The following WAC variants were observed in gnomAD, a reference collection of about 807,000 sequenced individuals.
The protein encoded by WAC is WW domain-containing adapter protein with coiled-coil.
WAC carries 11 observed loss-of-function variants against 79.6 expected under a neutral mutation model. That is an observed-to-expected ratio of 0.14 (90% CI 0.09 to 0.23). The LOEUF is 0.23. Among genes scored for constraint, WAC ranks in the 10% least tolerant of loss-of-function variants. The pLI is 1.00. For missense variants in WAC, 728 were observed against 773.5 expected (o/e 0.94, Z 0.70); for synonymous variants, 304 against 276.9 (o/e 1.10, Z -0.97).
intron 3 of WAC, among the ~76,000 whole-genome samples, chr10:28,557,017 A>G (rs2132460724): frequency 6.6e-6 from 1 of 151,684 alleles, no homozygotes; most frequent in Non-Finnish European, 1.5e-5. Flanking sequence ...TCTTTCTCAA[A>G]ATGCTTAGCT....
intron 7 of WAC, among the ~76,000 whole-genome samples, chr10:28,605,643 TAATG>T (rs1840904633): frequency 2.0e-5 from 3 of 152,334 alleles, no homozygotes; most frequent in African/African-American, 7.2e-5. Flanking sequence ...TATTTTTTGT[TAATG>T]ATGATGTGTA....
intron 3 of WAC, chr10:28,537,566 C>T (rs1450858103): frequency 6.6e-6 from 1 of 152,186 alleles, no homozygotes; most frequent in Non-Finnish European, 1.5e-5. Context: ...AAACCTTGCT[C>T]AGCCAATTCT....
rs114506691 is a variant in WAC, at chr10:28,574,443, C to A, written c.275-8956C>A. ...GCTTACAGGAGTGAGCCAGTGTGCA[C>A]GGCCTGTTGCTGTTTTTGAGACAGT... On this transcript the variant is annotated intron_variant, in intron 3 of 13. Coordinates refer to ENST00000354911, the MANE Select transcript of WAC (RefSeq NM_016628.5). 3.3e-3 allele frequency among the ~76,000 whole-genome samples: 501 copies of A among 152,044 alleles called. 3 individuals carry two copies. Among genetic ancestry groups the A allele is most frequent in the African/African-American group, 0.011 (448 of 41,478 alleles).
chr10:28,590,504 G>A (rs1037735652), intron 5 of WAC, among the ~76,000 whole-genome samples: 5 of 152,034 alleles, frequency 3.3e-5, no homozygotes, highest in African/African-American at 7.2e-5. Flanking sequence ...TGGTTATGGC[G>A]TTAGTGGTAT....
chr10:28,617,718 C>T lies in WAC; in HGVS notation c.1808C>T (p.Thr603Ile). 6.3e-7 allele frequency: 1 copy of T among 1,597,604 alleles called. No individual in the cohort carries two copies. The highest frequency in any genetic ancestry group is 1.2e-5 in the South Asian group (1 of 85,176). Residue 603 changes from threonine to isoleucine, a missense_variant, in exon 13 of 14, where the codon ACT becomes ATT. Thr to Ile is a moderately conservative substitution (Grantham distance 89). Around this residue, in one of 3 missense-constraint regions of WAC, gnomAD observed 66 missense variants for 78.9 expected, o/e 0.84. Transcript: ENST00000354911. ...ACTATTCACATGTCCGAAATTTGTA[C>T]TGAATTAAAAAATTTAAGATCTTTA... is the stretch of plus-strand genomic sequence containing the variant. ...MGTIHMSEICTELKNLRSLVR... is the reference protein window; with the variant it reads ...MGTIHMSEICIELKNLRSLVR...
chr10:28,568,455 G>C (rs1231818870), intron 3 of WAC, among the ~76,000 whole-genome samples: 2 of 151,940 alleles, frequency 1.3e-5, no homozygotes, highest in East Asian at 3.9e-4. Flanking sequence ...GTCTTGGCTC[G>C]CTGCAACCTC....
intron 4 of WAC, among the ~76,000 whole-genome samples, chr10:28,584,654 A>G (rs1839718380): frequency 6.6e-6 from 1 of 152,214 alleles, no homozygotes; most frequent in Admixed American, 6.5e-5. Flanking sequence ...TTGAGTGATC[A>G]TCATGTCTTA....
intron 3 of WAC, among the ~76,000 whole-genome samples, chr10:28,581,712 C>T (rs1276339790): frequency 6.6e-6 from 1 of 151,976 alleles, no homozygotes; most frequent in Non-Finnish European, 1.5e-5. Context: ...AGGCACACAC[C>T]ACCACGTCCA....
At chr10:28,605,966 C>CT (rs1262851660) in intron 7 of WAC, among the ~76,000 whole-genome samples, 15 of 152,086 alleles carry the variant, frequency 9.9e-5, no homozygotes, top group Non-Finnish European at 2.9e-5. Context: ...GTGAAAGAAC[C>CT]TTTAAGAGGG....
chr10:28,534,203 T>A, intron 2 of WAC, 169 bp downstream of exon 2: 1 of 572,348 alleles, frequency 1.7e-6, no homozygotes, highest in Non-Finnish European at 2.9e-6. Context: ...TTTAGCGCTC[T>A]CCAGCAAGGT....
intron 3 of WAC, among the ~76,000 whole-genome samples, chr10:28,573,746 A>G (rs185454804): frequency 1.0e-3 from 152 of 152,294 alleles, no homozygotes; most frequent in African/African-American, 3.4e-3. Context: ...CCATTCAGCC[A>G]TTTGAAGTGT....
rs563168106 is a variant in WAC, at chr10:28,619,650, A to G, written c.*44A>G. The G allele has an allele frequency of 2.0e-6, 3 of 1,493,870 alleles. No homozygotes were observed. Among genetic ancestry groups the G allele is most frequent in the South Asian group, 2.6e-5 (2 of 77,204 alleles). 92.5% of individuals were successfully genotyped at this position (1,493,870 alleles called of 1,614,324 possible). A position where few individuals can be genotyped will look rare whatever the true frequency, so the allele number is the denominator to read the frequency against. On this transcript the variant is annotated 3_prime_UTR_variant, in exon 14 of 14. Coordinates refer to ENST00000354911, the MANE Select transcript of WAC (RefSeq NM_016628.5). ...ATGGTTTTGAGAACAGGAACTGTAAATCTGTTGCCCAATCTTAACATTTTT... is the reference window on the plus strand; with the variant it reads ...ATGGTTTTGAGAACAGGAACTGTAAGTCTGTTGCCCAATCTTAACATTTTT...
chr10:28,575,439 A>G (rs1408832427), intron 3 of WAC, among the ~76,000 whole-genome samples: 1 of 152,220 alleles, frequency 6.6e-6, no homozygotes, highest in Non-Finnish European at 1.5e-5. Flanking sequence ...TTTTACTTTC[A>G]CATTAGCAGT....
At chr10:28,603,961 G>GTACATATA (rs1840783791) in intron 7 of WAC, among the ~76,000 whole-genome samples, 1 of 20,906 alleles carries the variant, frequency 4.8e-5, no homozygotes, top group African/African-American at 4.2e-4. Flanking sequence ...ATGTATGTAT[G>GTACATATA]TATATATATA....
At chr10:28,605,388 G>T (rs1840891097) in intron 7 of WAC, among the ~76,000 whole-genome samples, 1 of 152,128 alleles carries the variant, frequency 6.6e-6, no homozygotes, top group African/African-American at 2.4e-5. Flanking sequence ...GGTTTGTTTT[G>T]TTTTTTAACT....
At chr10:28,594,940 T>C (rs544982557) in intron 6 of WAC, among the ~76,000 whole-genome samples, 1 of 152,340 alleles carries the variant, frequency 6.6e-6, no homozygotes, top group African/African-American at 2.4e-5. Flanking sequence ...TTTAAATTGA[T>C]AGATTTTGAA....
At chr10:28,606,268 T>A (rs533177352) in intron 7 of WAC, among the ~76,000 whole-genome samples, 1 of 152,312 alleles carries the variant, frequency 6.6e-6, no homozygotes, top group East Asian at 1.9e-4. Context: ...CCCAGGCCGG[T>A]CTTGGAAATC....
chr10:28,611,002 CTT>C, intron 9 of WAC, 181 bp downstream of exon 9: 1 of 654,694 alleles, frequency 1.5e-6, no homozygotes, highest in Non-Finnish European at 2.4e-6. Flanking sequence ...TATTTCCTTT[CTT>C]TTTAGATGAA....
intron 9 of WAC, 102 bp downstream of exon 9, chr10:28,610,923 TA>T: frequency 7.5e-6 from 10 of 1,332,676 alleles, no homozygotes; most frequent in African/African-American, 1.5e-5. Context: ...TTTTTTTTTT[TA>T]GTTTTTTAAG....
Sources: gnomAD v4.1 joint callset for allele counts (sites outside exome capture counted in the v4.1 genomes callset) on GRCh38, gnomAD v4.1.1 for gene constraint, gnomAD v4.1.1 regional missense constraint, MANE v1.5 for transcripts, NCBI Gene and HGNC (gene_info 2026-07-23, HGNC 2026-07-21) for gene names.